DCLK1: variants seen among roughly 807,000 people sequenced by gnomAD.
The protein encoded by DCLK1 is serine/threonine-protein kinase DCLK1.
DCLK1 carries 16 observed loss-of-function variants against 86.2 expected under a neutral mutation model. The observed-to-expected ratio is 0.19, with a 90% CI of 0.13 to 0.28. The LOEUF is 0.28. DCLK1 is among the 10% of genes least tolerant of loss of function. The pLI is 1.00. For synonymous variants in DCLK1, 369 were observed against 370.5 expected (o/e 1.00, Z 0.05); for missense variants, 590 against 940.2 (o/e 0.63, Z 4.87).
At chr13:35,854,095 G>C (rs1291796694) in intron 6 of DCLK1, among the ~76,000 whole-genome samples, 1 of 152,012 alleles carries the variant, frequency 6.6e-6, no homozygotes, top group African/African-American at 2.4e-5. Flanking sequence ...TGCTGCTCTG[G>C]GGCCCCATCC....
intron 7 of DCLK1, 112 bp downstream of exon 7, chr13:35,838,980 G>A: frequency 1.1e-6 from 1 of 941,116 alleles, no homozygotes; most frequent in South Asian, 1.6e-5. Context: ...TTGACCCTCA[G>A]GAGCTGCTCA....
chr13:35,967,085 T>C (rs1293329592), intron 3 of DCLK1, among the ~76,000 whole-genome samples: 2 of 149,056 alleles, frequency 1.3e-5, no homozygotes, highest in Non-Finnish European at 3.0e-5. Flanking sequence ...CCGCCCATCG[T>C]CTGGGATGTG....
At chr13:35,849,930 A>G in intron 6 of DCLK1, 1 of 959,770 alleles carries the variant, frequency 1.0e-6, no homozygotes, top group South Asian at 4.8e-5. Context: ...TGATTGTAAG[A>G]AAAAATTATA....
At chr13:36,023,240 CAT>C (rs571480241) in intron 3 of DCLK1, among the ~76,000 whole-genome samples, 118 of 152,296 alleles carry the variant, frequency 7.7e-4, no homozygotes, top group African/African-American at 2.7e-3. Context: ...GAAATTAGCT[CAT>C]GTGATTACGG....
At chr13:36,034,752 A>G (rs1882423092) in intron 3 of DCLK1, among the ~76,000 whole-genome samples, 1 of 152,192 alleles carries the variant, frequency 6.6e-6, no homozygotes, top group African/African-American at 2.4e-5. Context: ...TATTCCCACC[A>G]GGACTGATTT....
At chr13:35,918,707 C>T (rs909581959) in intron 4 of DCLK1, among the ~76,000 whole-genome samples, 1 of 151,896 alleles carries the variant, frequency 6.6e-6, no homozygotes, top group Non-Finnish European at 1.5e-5. Context: ...CCATTATTGG[C>T]AAAGAAAAAT....
chr13:36,084,979 A>C (rs1306394768), intron 3 of DCLK1, among the ~76,000 whole-genome samples: 2 of 152,240 alleles, frequency 1.3e-5, no homozygotes, highest in African/African-American at 2.4e-5. Context: ...CTCAAGGAAA[A>C]CAAATTTCTC....
chr13:35,891,227 C>A (rs553460405), intron 4 of DCLK1, among the ~76,000 whole-genome samples: 1 of 151,982 alleles, frequency 6.6e-6, no homozygotes, highest in South Asian at 2.1e-4. Context: ...AGTCTAGTCT[C>A]AAGGAATGGC....
chr13:36,125,657 A>G (rs1226027938), intron 2 of DCLK1, 105 bp downstream of exon 2: 1 of 1,457,518 alleles, frequency 6.9e-7, no homozygotes, highest in East Asian at 2.3e-5. Flanking sequence ...CACAGCCATA[A>G]GGCTGAATGT....
chr13:35,812,735 A>G (rs994784065), intron 11 of DCLK1, among the ~76,000 whole-genome samples: 3 of 152,260 alleles, frequency 2.0e-5, no homozygotes, highest in Non-Finnish European at 4.4e-5. Flanking sequence ...TCTTATTCCC[A>G]GGAGCTGTTG....
chr13:35,965,215 G>C (rs1878668368), intron 3 of DCLK1, among the ~76,000 whole-genome samples: 1 of 152,136 alleles, frequency 6.6e-6, no homozygotes, highest in Non-Finnish European at 1.5e-5. Context: ...TTAGAAATAA[G>C]TACAACACAC....
intron 4 of DCLK1, among the ~76,000 whole-genome samples, chr13:35,882,727 G>A (rs1160011655): frequency 6.6e-6 from 1 of 151,874 alleles, no homozygotes; most frequent in Non-Finnish European, 1.5e-5. Context: ...CCTGGTTAAC[G>A]TTCTGTTCAT....
At chr13:36,084,223 C>G (rs559011777) in intron 3 of DCLK1, among the ~76,000 whole-genome samples, 2 of 152,204 alleles carry the variant, frequency 1.3e-5, no homozygotes, top group South Asian at 4.1e-4. Context: ...TAAGGAAAAA[C>G]ACTAGATGCA....
intron 11 of DCLK1, among the ~76,000 whole-genome samples, chr13:35,819,780 T>TA (rs138186957): frequency 6.5e-4 from 95 of 145,756 alleles, no homozygotes; most frequent in African/African-American, 1.9e-3. Context: ...TAAAGCAATA[T>TA]AAAAAAAAAA....
intron 3 of DCLK1, among the ~76,000 whole-genome samples, chr13:36,085,978 A>G (rs1298399843): frequency 6.6e-6 from 1 of 152,212 alleles, no homozygotes; most frequent in Non-Finnish European, 1.5e-5. Flanking sequence ...TTCTGTGAAG[A>G]AATCTTTAAA....
At chr13:35,866,985 A>G (rs1871841912) in intron 5 of DCLK1, among the ~76,000 whole-genome samples, 1 of 152,164 alleles carries the variant, frequency 6.6e-6, no homozygotes, top group Non-Finnish European at 1.5e-5. Flanking sequence ...CAGCAGCTAC[A>G]CTTGCCTCTA....
chr13:36,097,304 A>C (rs1885051326), intron 3 of DCLK1, among the ~76,000 whole-genome samples: 1 of 152,248 alleles, frequency 6.6e-6, no homozygotes, highest in Non-Finnish European at 1.5e-5. Flanking sequence ...TGATGGTTGC[A>C]TGATTCTATG....
rs1462590928 is a variant in DCLK1 at position 35,890,551 on chromosome 13, C to T, written c.824-19211G>A. 2.0e-5 allele frequency among the ~76,000 whole-genome samples: 3 copies of T among 152,092 alleles called. No homozygotes were observed. The East Asian group carries it at 5.8e-4, about 29-fold the overall frequency. The stretch of plus-strand genomic sequence containing the variant: ...TGATTACAAATAAACTGCAGTAAAC[C>T]TTATAAAATACTTTGGTATATTTGT... On this transcript the variant is annotated intron_variant, in intron 4 of 16. Transcript: ENST00000360631.
intron 16 of DCLK1, 137 bp from the exon 17 acceptor site, chr13:35,774,836 A>T (rs924521851): frequency 1.0e-6 from 1 of 961,708 alleles, no homozygotes; most frequent in Non-Finnish European, 1.5e-6. Context: ...CTTTTTGTTG[A>T]CAGTCACCAC....
Sources: gnomAD v4.1 joint callset for allele counts (sites outside exome capture counted in the v4.1 genomes callset) on GRCh38, gnomAD v4.1.1 for gene constraint, MANE v1.5 for transcripts, NCBI Gene and HGNC (gene_info 2026-07-23, HGNC 2026-07-21) for gene names.